The following FCHO2 variants were observed in gnomAD, a reference collection of about 807,000 sequenced individuals.
FCHO2 encodes the protein FCH and mu domain containing endocytic adaptor 2.
In FCHO2, 43 loss-of-function variants were observed where a neutral mutation model predicts 114.1. That is an observed-to-expected ratio of 0.38 (90% CI 0.30 to 0.49). The LOEUF is 0.49. Ranked by LOEUF, FCHO2 falls within the 20% of genes least tolerant of loss-of-function variation. The probability of loss-of-function intolerance (pLI) is 0.97; values close to 1 mark genes in which losing one functional copy is unlikely to be tolerated. For synonymous variants in FCHO2, 293 were observed against 315.2 expected, an observed-to-expected ratio of 0.93 and a Z score of 0.75; for missense variants, 807 against 950.4, an observed-to-expected ratio of 0.85 and a Z score of 1.98.
intron 1 of FCHO2, among the ~76,000 whole-genome samples, chr5:72,959,780 T>G (rs1459530024): frequency 1.4e-5 from 2 of 146,932 alleles, no homozygotes; most frequent in Admixed American, 1.4e-4. Context: ...CTCTTCTTTC[T>G]TTTTTTTTTT....
chr5:73,039,078 TAACCAATGGCAATAGTAGAGC>T (rs1201278514), intron 10 of FCHO2, among the ~76,000 whole-genome samples: 1 of 152,250 alleles, frequency 6.6e-6, no homozygotes, highest in Non-Finnish European at 1.5e-5. Flanking sequence ...TTTTGTTTTT[TAACCAATGGCAATAGTAGAGC>T]AGAAAGCCAC....
chr5:73,062,855 G>A (rs1165275402), intron 17 of FCHO2, among the ~76,000 whole-genome samples: 3 of 151,622 alleles, frequency 2.0e-5, no homozygotes, highest in Non-Finnish European at 4.4e-5. Flanking sequence ...TTATTTCCCC[G>A]TGTGTATACT....
chr5:72,971,035 A>G (rs1184514174), intron 2 of FCHO2, among the ~76,000 whole-genome samples: 1 of 152,028 alleles, frequency 6.6e-6, no homozygotes, highest in Non-Finnish European at 1.5e-5. Flanking sequence ...TGAACTCATC[A>G]TTTTTTATGG....
At chr5:73,071,757 A>G (rs1580201844) in intron 19 of FCHO2, among the ~76,000 whole-genome samples, 1 of 152,138 alleles carries the variant, frequency 6.6e-6, no homozygotes, top group African/African-American at 2.4e-5. Context: ...AAAAATAGAA[A>G]ATACGAAAGG....
At position 73,087,566 on chromosome 5, in the gene FCHO2, G is replaced by C. The variant is rs377489722; in HGVS notation, c.2246-23G>C. The C allele has an allele frequency of 2.2e-4, 361 of 1,611,320 alleles. 2 individuals carry two copies. The African/African-American group carries it at 4.1e-3, about 19-fold the overall frequency. ...TTGAAATGTATTTTACCCTGTGTAAGTGCTTTATTCTTTTCTTTGTAGGTT... is the reference window on the plus strand; with the variant it reads ...TTGAAATGTATTTTACCCTGTGTAACTGCTTTATTCTTTTCTTTGTAGGTT... On this transcript the variant is annotated intron_variant, in intron 24 of 25. Coordinates refer to ENST00000430046, the MANE Select transcript of FCHO2 (RefSeq NM_138782.3).
chr5:73,082,875 GA>G lies in FCHO2; in HGVS notation c.2245+51del, dbSNP rs770846628. ...TTATAAAATGATGTCACTGAAAATT[GA>G]TTTTTTTTTTTTTTTTAAAACAGAG... is the stretch of plus-strand genomic sequence containing the variant. On this transcript the variant is annotated intron_variant, in intron 24 of 25. Coordinates refer to ENST00000430046, the MANE Select transcript of FCHO2 (RefSeq NM_138782.3). 80 of 1,351,928 alleles carry G rather than the reference GA, an allele frequency of 5.9e-5. No individual in the cohort carries two copies. In the Middle Eastern group the frequency reaches 6.4e-4, roughly 11 times the overall value. The allele number at this position is 1,351,928 out of a possible 1,614,324, so 83.7% of individuals were successfully genotyped here.
intron 2 of FCHO2, among the ~76,000 whole-genome samples, chr5:72,975,158 T>C (rs915606843): frequency 1.3e-5 from 2 of 152,210 alleles, no homozygotes; most frequent in Non-Finnish European, 2.9e-5. Flanking sequence ...TTGTAGTATT[T>C]ATAAAATTTG....
chr5:73,073,299 T>A (rs1260253964), intron 19 of FCHO2, among the ~76,000 whole-genome samples: 1 of 152,094 alleles, frequency 6.6e-6, no homozygotes, highest in Non-Finnish European at 1.5e-5. Context: ...AATGTTTCTC[T>A]CAAACATTAT....
intron 5 of FCHO2, among the ~76,000 whole-genome samples, chr5:72,996,282 A>G (rs1450696879): frequency 6.6e-6 from 1 of 151,310 alleles, no homozygotes; most frequent in Non-Finnish European, 1.5e-5. Flanking sequence ...ATTTCATATA[A>G]TGGGATACAA....
chr5:72,969,738 C>T (rs1214481628), intron 2 of FCHO2, among the ~76,000 whole-genome samples: 1 of 152,216 alleles, frequency 6.6e-6, no homozygotes, highest in Non-Finnish European at 1.5e-5. Context: ...GGTAGTGAGA[C>T]AATCCGTCAT....
At chr5:73,077,262 G>C in intron 20 of FCHO2, 76 bp from the exon 21 acceptor site, 1 of 1,403,856 alleles carries the variant, frequency 7.1e-7, no homozygotes, top group East Asian at 2.5e-5. Flanking sequence ...GTGCACGCGT[G>C]TGCCTTTTTA....
At chr5:73,011,428 CT>C (rs879652416) in intron 6 of FCHO2, among the ~76,000 whole-genome samples, 3 of 152,032 alleles carry the variant, frequency 2.0e-5, no homozygotes, top group African/African-American at 4.8e-5. Flanking sequence ...TATATCCTTA[CT>C]CGATCAGCTT....
chr5:72,982,976 C>T lies in FCHO2; in HGVS notation c.126-6451C>T, dbSNP rs530864166. ...TCGCCGAGGCTGGAGTGCAGTGGCG[C>T]GATCTCTGCTCACCGCAAGCTCCGC... On this transcript the variant is annotated intron_variant, in intron 2 of 25. Coordinates refer to ENST00000430046, the MANE Select transcript of FCHO2 (RefSeq NM_138782.3). 5.3e-4 allele frequency among the ~76,000 whole-genome samples: 80 copies of T among 151,712 alleles called. 1 individual carries two copies. The South Asian group carries it at 0.013, about 24-fold the overall frequency.
At chr5:73,025,503 C>G (rs142242854) in intron 8 of FCHO2, among the ~76,000 whole-genome samples, 3 of 152,098 alleles carry the variant, frequency 2.0e-5, no homozygotes, top group Admixed American at 6.5e-5. Context: ...CTCATCCTCC[C>G]TAATAGCTGG....
At chr5:73,008,029 A>AG (rs948804320) in intron 6 of FCHO2, among the ~76,000 whole-genome samples, 2 of 152,186 alleles carry the variant, frequency 1.3e-5, no homozygotes, top group Non-Finnish European at 2.9e-5. Context: ...AAAGTAAAAA[A>AG]TGCTTACTAA....
At position 72,972,998 on chromosome 5, in the gene FCHO2, T is replaced by A. The variant is rs538199949; in HGVS notation, c.125+4409T>A. Among the ~76,000 whole-genome samples, 310 of 152,320 alleles carry A rather than the reference T, an allele frequency of 2.0e-3. 2 individuals carry two copies. Among genetic ancestry groups the A allele is most frequent in the African/African-American group, 7.2e-3 (300 of 41,568 alleles). ...TCTTTTGTTCTGTTTATATGCTGGA[T>A]TACATTTATTGATTTGCGTATATTG... On this transcript the variant is annotated intron_variant, in intron 2 of 25. Coordinates refer to ENST00000430046, the MANE Select transcript of FCHO2 (RefSeq NM_138782.3).
chr5:73,034,641 A>G lies in FCHO2; in HGVS notation c.797-16A>G, dbSNP rs1477157703. On this transcript the variant is annotated splice_polypyrimidine_tract_variant and intron_variant, in intron 8 of 25. Coordinates refer to ENST00000430046, the MANE Select transcript of FCHO2 (RefSeq NM_138782.3). ...GTTTTTTTCTACTAGAAGTTTTTCA[A>G]TTTCTTTTTTTCCAGGCCTCATTGA... 1.1e-5 allele frequency: 17 copies of G among 1,576,826 alleles called. No homozygotes were observed. Among genetic ancestry groups the G allele is most frequent in the East Asian group, 2.3e-5 (1 of 44,222 alleles).
rs185210656 is a variant in FCHO2, at chr5:73,011,300, T to G, written c.601-4326T>G. Among the ~76,000 whole-genome samples, 135 of 152,290 alleles carry G rather than the reference T, an allele frequency of 8.9e-4. 2 individuals are homozygous for G. The highest frequency in any genetic ancestry group is 1.9e-4 in the Non-Finnish European group (13 of 68,016). The stretch of plus-strand genomic sequence containing the variant: ...TTGTTTTCTTCCTTCAATAATAAAT[T>G]AACCTTAGCTTATTGTAACTTCTTT... On this transcript the variant is annotated intron_variant, in intron 6 of 25. Coordinates refer to ENST00000430046, the MANE Select transcript of FCHO2 (RefSeq NM_138782.3).
chr5:72,986,896 T>G (rs1753551132), intron 2 of FCHO2, among the ~76,000 whole-genome samples: 1 of 151,566 alleles, frequency 6.6e-6, no homozygotes, highest in African/African-American at 2.4e-5. Flanking sequence ...TTTTTTTTTT[T>G]TGAGACGGAG....
Sources: allele counts gnomAD v4.1 joint callset (sites outside exome capture counted in the v4.1 genomes callset), GRCh38; gene constraint gnomAD v4.1.1; transcripts MANE v1.5; gene names NCBI Gene and HGNC (gene_info 2026-07-23, HGNC 2026-07-21).